The following MACROD2 variants were observed in gnomAD, a reference collection of about 807,000 sequenced individuals.
MACROD2 encodes ADP-ribose glycohydrolase MACROD2.
Under a neutral mutation model 70.4 loss-of-function variants are expected in MACROD2, and 36 were observed. That is an observed-to-expected ratio of 0.51 (90% CI 0.39 to 0.68). The LOEUF (loss-of-function observed/expected upper bound fraction) is 0.68, where lower values mean the gene tolerates loss of function less well. MACROD2 is among the 30% of genes least tolerant of loss of function. MACROD2 has a pLI of 0.00. For missense variants in MACROD2, 496 were observed against 538.4 expected (o/e 0.92, Z 0.78); for synonymous variants, 172 against 178.8 (o/e 0.96, Z 0.30).
intron 1 of MACROD2, among the ~76,000 whole-genome samples, chr20:13,996,700 C>T (rs1465273458): frequency 1.3e-5 from 2 of 152,152 alleles, no homozygotes; most frequent in Non-Finnish European, 1.5e-5. Flanking sequence ...AATATTCTAA[C>T]TTGAGTGTCT....
rs747524676 is a variant in MACROD2, at chr20:15,499,787, G to A, written c.585G>A (p.Glu195=). The A allele has an allele frequency of 2.5e-6, 4 of 1,613,606 alleles. No individual in the cohort carries two copies. The African/African-American group carries it at 5.3e-5, about 22-fold the overall frequency. Residue 195 remains glutamate, a synonymous_variant, in exon 8 of 18, where the codon GAG becomes GAA. Transcript: ENST00000684519. ...CTCTTCATCTAGGCTTTCCCAACGA[G>A]CCTGCTGCAGTCATTGCCCTCAACA... is the stretch of plus-strand genomic sequence containing the variant. The part of the protein sequence containing the change: ...ISTGIYGFPN[E]PAAVIALNTI...
At chr20:15,089,757 G>A (rs1355333075) in intron 5 of MACROD2, among the ~76,000 whole-genome samples, 1 of 151,976 alleles carries the variant, frequency 6.6e-6, no homozygotes, top group East Asian at 1.9e-4. Context: ...ACAGTTTGCT[G>A]GTTGTGATTT....
intron 12 of MACROD2, among the ~76,000 whole-genome samples, chr20:15,960,380 G>T (rs1363795392): frequency 6.6e-6 from 1 of 152,178 alleles, no homozygotes; most frequent in Non-Finnish European, 1.5e-5. Flanking sequence ...AGAGCAGCAG[G>T]CTAGAAGTCA....
chr20:15,192,761 T>C (rs1301048663), intron 5 of MACROD2, among the ~76,000 whole-genome samples: 4 of 152,328 alleles, frequency 2.6e-5, no homozygotes, highest in African/African-American at 9.6e-5. Flanking sequence ...CTGTTTTATA[T>C]TGGGGACATT....
At chr20:15,111,237 A>G (rs1354381319) in intron 5 of MACROD2, among the ~76,000 whole-genome samples, 1 of 151,084 alleles carries the variant, frequency 6.6e-6, no homozygotes, top group Non-Finnish European at 1.5e-5. Flanking sequence ...CAGTGGCGCA[A>G]TCTCGGCTCA....
At chr20:14,152,460 T>A (rs1025321651) in intron 3 of MACROD2, among the ~76,000 whole-genome samples, 6 of 149,522 alleles carry the variant, frequency 4.0e-5, no homozygotes, top group African/African-American at 1.5e-4. Flanking sequence ...GGAGTCTCGC[T>A]CTGTTGCCCA....
intron 8 of MACROD2, among the ~76,000 whole-genome samples, chr20:15,712,187 C>A (rs907475267): frequency 6.6e-6 from 1 of 152,238 alleles, no homozygotes; most frequent in Non-Finnish European, 1.5e-5. Flanking sequence ...CAAACTATTT[C>A]TTAAGAAGGC....
At chr20:14,663,321 CTTA>C (rs1986322505) in intron 4 of MACROD2, among the ~76,000 whole-genome samples, 1 of 151,104 alleles carries the variant, frequency 6.6e-6, no homozygotes, top group African/African-American at 2.4e-5. Context: ...CACACAGGGG[CTTA>C]TTGGAGGGTG....
chr20:15,513,486 G>A (rs2047527007), intron 8 of MACROD2, among the ~76,000 whole-genome samples: 1 of 152,130 alleles, frequency 6.6e-6, no homozygotes, highest in Non-Finnish European at 1.5e-5. Flanking sequence ...CTTAAAAGCT[G>A]TTGGTTTACC....
intron 8 of MACROD2, among the ~76,000 whole-genome samples, chr20:15,764,171 G>T (rs2051483560): frequency 6.6e-6 from 1 of 152,146 alleles, no homozygotes; most frequent in African/African-American, 2.4e-5. Flanking sequence ...CTTTTGCCTT[G>T]TTAAACTTGC....
chr20:14,976,616 C>T (rs1216469061), intron 5 of MACROD2, among the ~76,000 whole-genome samples: 2 of 152,112 alleles, frequency 1.3e-5, no homozygotes, highest in African/African-American at 4.8e-5. Flanking sequence ...TGTGGACATA[C>T]TTGGGGGCTA....
At chr20:14,466,295 T>C (rs6135153) in intron 3 of MACROD2, among the ~76,000 whole-genome samples, 43,145 of 151,760 alleles carry the variant, frequency 0.28, 6,222 homozygotes, top group Admixed American at 0.32. Flanking sequence ...CATCTTCCAT[T>C]GCTGATACCC....
chr20:14,143,694 A>G (rs777834974), intron 3 of MACROD2, among the ~76,000 whole-genome samples: 10 of 152,182 alleles, frequency 6.6e-5, no homozygotes, highest in African/African-American at 9.6e-5. Flanking sequence ...TGCTCAGGCC[A>G]TTGTGGAATG....
intron 6 of MACROD2, among the ~76,000 whole-genome samples, chr20:15,381,231 A>G (rs2045639555): frequency 6.6e-6 from 1 of 151,994 alleles, no homozygotes; most frequent in Non-Finnish European, 1.5e-5. Context: ...GCTCTTTGTT[A>G]AACATTTACC....
intron 5 of MACROD2, among the ~76,000 whole-genome samples, chr20:15,007,371 AAAAC>A (rs1044288558): frequency 1.3e-5 from 2 of 150,432 alleles, no homozygotes; most frequent in African/African-American, 4.9e-5. Flanking sequence ...CTCAAAAACA[AAAAC>A]AAACAAAAAA....
chr20:14,238,848 A>G (rs2081902287), intron 3 of MACROD2, among the ~76,000 whole-genome samples: 1 of 151,850 alleles, frequency 6.6e-6, no homozygotes, highest in Non-Finnish European at 1.5e-5. Context: ...CCAATATGGT[A>G]AAACCTCGTC....
At chr20:15,713,557 A>G (rs1006794935) in intron 8 of MACROD2, among the ~76,000 whole-genome samples, 6 of 137,894 alleles carry the variant, frequency 4.4e-5, no homozygotes, top group African/African-American at 1.3e-4. Flanking sequence ...GAGAGAGAGA[A>G]AGAGGAGGTG....
intron 5 of MACROD2, among the ~76,000 whole-genome samples, chr20:14,907,795 G>C (rs564809952): frequency 1.3e-5 from 2 of 152,114 alleles, no homozygotes; most frequent in African/African-American, 4.8e-5. Context: ...AAAGAGTTTA[G>C]ATATTGACTA....
intron 4 of MACROD2, among the ~76,000 whole-genome samples, chr20:14,680,886 A>G (rs1037771382): frequency 1.3e-5 from 2 of 152,150 alleles, no homozygotes; most frequent in African/African-American, 2.4e-5. Context: ...TTCAAGAATG[A>G]AAAAAATGAA....
Sources: allele counts gnomAD v4.1 joint callset (sites outside exome capture counted in the v4.1 genomes callset), GRCh38; gene constraint gnomAD v4.1.1; transcripts MANE v1.5; gene names NCBI Gene and HGNC (gene_info 2026-07-23, HGNC 2026-07-21).